Variants in HSD17B12 observed in about 807,000 individuals in gnomAD.
HSD17B12 encodes the protein hydroxysteroid 17-beta dehydrogenase 12.
In HSD17B12, 32 loss-of-function variants were observed where a neutral mutation model predicts 39.3. The observed-to-expected ratio is 0.81, with a 90% confidence interval of 0.61 to 1.09. The LOEUF is 1.09. Among genes scored for constraint, HSD17B12 ranks in the 50% least tolerant of loss-of-function variants. The probability of loss-of-function intolerance (pLI) is 0.00; values close to 1 mark genes in which losing one functional copy is unlikely to be tolerated. For synonymous variants in HSD17B12, 150 were observed against 146.7 expected (o/e 1.02, Z -0.16); for missense variants, 342 against 382.9 (o/e 0.89, Z 0.89).
chr11:43,771,591 C>G (rs1326904709), intron 3 of HSD17B12, among the ~76,000 whole-genome samples: 2 of 151,478 alleles, frequency 1.3e-5, no homozygotes, highest in Non-Finnish European at 2.9e-5. Context: ...CTCAACCTCC[C>G]CAGTAACTGG....
chr11:43,574,769 G>A, the HSD17B12 span, among the ~76,000 whole-genome samples: 13 of 152,138 alleles, frequency 8.5e-5, no homozygotes, highest in Non-Finnish European at 1.6e-4. Context: ...GCAGAAAAAA[G>A]ATATCCTGGT....
the HSD17B12 span, among the ~76,000 whole-genome samples, chr11:43,663,257 G>A: frequency 6.6e-6 from 1 of 152,104 alleles, no homozygotes; most frequent in African/African-American, 2.4e-5. Flanking sequence ...GTGCCACCAC[G>A]CCCAGCTAAT....
intron 1 of HSD17B12, among the ~76,000 whole-genome samples, chr11:43,685,862 AC>A (rs1237730483): frequency 6.6e-6 from 1 of 152,222 alleles, no homozygotes; most frequent in Non-Finnish European, 1.5e-5. Flanking sequence ...ACAATCTCAG[AC>A]CAAAAAAAGG....
At chr11:43,702,891 A>C (rs142548557) in intron 1 of HSD17B12, among the ~76,000 whole-genome samples, 1 of 152,264 alleles carries the variant, frequency 6.6e-6, no homozygotes, top group East Asian at 1.9e-4. Flanking sequence ...TTCTCTTTCC[A>C]GTTTGGCCCA....
At chr11:43,684,213 G>T (rs758792276) in intron 1 of HSD17B12, among the ~76,000 whole-genome samples, 3 of 152,010 alleles carry the variant, frequency 2.0e-5, no homozygotes, top group African/African-American at 4.8e-5. Context: ...AGCCAATTTA[G>T]TAAGTAAGAC....
chr11:43,631,570 CCTGTCTCTCTCTCTCTCT>C, the HSD17B12 span, among the ~76,000 whole-genome samples: 18 of 148,410 alleles, frequency 1.2e-4, no homozygotes, highest in South Asian at 4.4e-4. Context: ...TCTCTCTCTG[CCTGTCTCTCTCTCTCTCT>C]CTGTCTCTCT....
upstream of HSD17B12, among the ~76,000 whole-genome samples, chr11:43,679,057 C>T (rs1211594638): frequency 1.3e-5 from 2 of 152,178 alleles, no homozygotes; most frequent in African/African-American, 4.8e-5. Flanking sequence ...TTGATTCTTC[C>T]TATCCATGAG....
chr11:43,714,764 C>T (rs1179317336), intron 1 of HSD17B12, among the ~76,000 whole-genome samples: 8 of 152,058 alleles, frequency 5.3e-5, no homozygotes, highest in African/African-American at 7.2e-5. Flanking sequence ...GAGCATGGAA[C>T]GTTCTTCCAT....
intron 1 of HSD17B12, among the ~76,000 whole-genome samples, chr11:43,716,150 C>T (rs951397297): frequency 1.3e-5 from 2 of 152,120 alleles, no homozygotes; most frequent in African/African-American, 4.8e-5. Context: ...GATTAAATTG[C>T]ATTTGCCCTT....
At chr11:43,650,343 C>T in the HSD17B12 span, among the ~76,000 whole-genome samples, 1 of 152,004 alleles carries the variant, frequency 6.6e-6, no homozygotes, top group Non-Finnish European at 1.5e-5. Context: ...AGAGGAAATA[C>T]AATAGGCTAA....
intron 1 of HSD17B12, among the ~76,000 whole-genome samples, chr11:43,709,682 A>G (rs1168986945): frequency 6.6e-6 from 1 of 152,238 alleles, no homozygotes; most frequent in Non-Finnish European, 1.5e-5. Flanking sequence ...CAGATGAAAG[A>G]AAACCTTAAA....
At chr11:43,841,058 A>G (rs1951420988) in intron 9 of HSD17B12, among the ~76,000 whole-genome samples, 1 of 152,142 alleles carries the variant, frequency 6.6e-6, no homozygotes, top group South Asian at 2.1e-4. Flanking sequence ...TTTGTTTTTT[A>G]TAATAGCCAT....
intron 4 of HSD17B12, among the ~76,000 whole-genome samples, chr11:43,800,103 T>TA (rs1240644377): frequency 2.0e-5 from 3 of 152,164 alleles, no homozygotes; most frequent in African/African-American, 7.2e-5. Flanking sequence ...CTGACATCTA[T>TA]AAAAAAATCT....
At chr11:43,825,951 C>T (rs1207388249) in intron 6 of HSD17B12, among the ~76,000 whole-genome samples, 1 of 152,150 alleles carries the variant, frequency 6.6e-6, no homozygotes, top group African/African-American at 2.4e-5. Flanking sequence ...TTATTTTCTC[C>T]TCCCCAAACC....
intron 1 of HSD17B12, among the ~76,000 whole-genome samples, chr11:43,741,525 C>T (rs1001992593): frequency 2.6e-5 from 4 of 151,968 alleles, no homozygotes; most frequent in African/African-American, 4.8e-5. Flanking sequence ...AAAGTAATCT[C>T]TTTCCCATCT....
the HSD17B12 span, among the ~76,000 whole-genome samples, chr11:43,589,660 G>A: frequency 6.6e-6 from 1 of 152,040 alleles, no homozygotes; most frequent in East Asian, 1.9e-4. Flanking sequence ...TATAATAAAC[G>A]GTTCAGGGAT....
At chr11:43,672,758 C>T in the HSD17B12 span, among the ~76,000 whole-genome samples, 1 of 151,144 alleles carries the variant, frequency 6.6e-6, no homozygotes, top group African/African-American at 2.4e-5. Context: ...CCAGACTGGT[C>T]ACAAACTCCT....
chr11:43,848,587 C>T (rs997358290), intron 9 of HSD17B12: 1 of 152,282 alleles, frequency 6.6e-6, no homozygotes, highest in African/African-American at 2.4e-5. Flanking sequence ...ATCCCACACT[C>T]TTTAACTGAT....
intron 1 of HSD17B12, among the ~76,000 whole-genome samples, chr11:43,705,751 CCT>C (rs59325974): frequency 0.37 from 37,756 of 102,660 alleles, 8,183 homozygotes; most frequent in Non-Finnish European, 0.43. Flanking sequence ...TTCTTTTTTT[CCT>C]CTCTCCTCTT....
Sources: gnomAD v4.1 joint callset for allele counts (sites outside exome capture counted in the v4.1 genomes callset) on GRCh38, gnomAD v4.1.1 for gene constraint, MANE v1.5 for transcripts, NCBI Gene and HGNC (gene_info 2026-07-23, HGNC 2026-07-21) for gene names.